Variants in CD5L observed in about 807,000 individuals in gnomAD.
The protein encoded by CD5L is CD5 molecule like.
A neutral mutation model predicts 40.8 loss-of-function variants in CD5L; 39 were observed. That is an observed-to-expected ratio of 0.96 (90% CI 0.74 to 1.25). The LOEUF (loss-of-function observed/expected upper bound fraction) is 1.25, where lower values mean the gene tolerates loss of function less well. CD5L is among the 50% of genes most tolerant of loss of function. CD5L has a pLI of 0.00. For missense variants in CD5L, 433 were observed against 435.9 expected, an observed-to-expected ratio of 0.99 and a Z score of 0.06; for synonymous variants, 192 against 169.6, an observed-to-expected ratio of 1.13 and a Z score of -1.03.
intron 4 of CD5L, among the ~76,000 whole-genome samples, chr1:157,834,147 T>C (rs1335755825): frequency 6.6e-6 from 1 of 152,218 alleles, no homozygotes; most frequent in African/African-American, 2.4e-5. Flanking sequence ...CATAAAAAGA[T>C]GTACCTTGTT....
Position 157,833,193 on chromosome 1 carries a change from T to C in CD5L, c.1038A>G (p.Ser346=). ...ATGAACTCCATCTGTAGGACTCACC[T>C]GAGCAGATGACAGCCACATCTTCCT... ...THQEDVAVIC[S]G Residue 346 remains serine, a splice_region_variant and synonymous_variant, in exon 5 of 6, where the codon TCA becomes TCG. Transcript: ENST00000368174. 1 of 1,610,694 alleles carries C rather than the reference T, an allele frequency of 6.2e-7. No individual in the cohort carries two copies. The highest frequency in any genetic ancestry group is 8.5e-7 in the Non-Finnish European group (1 of 1,177,576).
In CD5L at chr1:157,841,781, C is replaced by A. The variant is rs368154340; in HGVS notation, c.-80G>T. 14 of 1,243,782 alleles carry A rather than the reference C, an allele frequency of 1.1e-5. No individual in the cohort carries two copies. The highest frequency in any genetic ancestry group is 1.6e-5 in the Non-Finnish European group (14 of 856,490). The allele number at this position is 1,243,782 out of a possible 1,614,324, so 77.0% of individuals were successfully genotyped here. ...AAGCAGCAATATTTAGTTTTAGCTGCAAGTATGTTAAGAGGAGGGACAAAG... is the reference window on the plus strand; with the variant it reads ...AAGCAGCAATATTTAGTTTTAGCTGAAAGTATGTTAAGAGGAGGGACAAAG... On this transcript the variant is annotated 5_prime_UTR_variant, in exon 1 of 6. Coordinates refer to ENST00000368174, the MANE Select transcript of CD5L (RefSeq NM_005894.3).
In CD5L at chr1:157,841,792, A is replaced by C; in HGVS notation, c.-91T>G. On this transcript the variant is annotated 5_prime_UTR_variant, in exon 1 of 6. Coordinates refer to ENST00000368174, the MANE Select transcript of CD5L (RefSeq NM_005894.3). ...TTTAGTTTTAGCTGCAAGTATGTTA[A>C]GAGGAGGGACAAAGACAGGTCCTGA... 1 of 1,107,088 alleles carries C rather than the reference A, an allele frequency of 9.0e-7. No homozygotes were observed. The highest frequency in any genetic ancestry group is 1.4e-6 in the Non-Finnish European group (1 of 735,634). 68.6% of individuals were successfully genotyped at this position (1,107,088 alleles called of 1,614,324 possible). A position where few individuals can be genotyped will look rare whatever the true frequency, so the allele number is the denominator to read the frequency against.
At chr1:157,840,779 C>G (rs143324093) in intron 1 of CD5L, among the ~76,000 whole-genome samples, 8 of 152,266 alleles carry the variant, frequency 5.3e-5, no homozygotes, top group African/African-American at 1.9e-4. Flanking sequence ...CTTCATGAAG[C>G]AGGTGGAAGT....
In CD5L at chr1:157,831,971, A is replaced by G. The variant is rs375428623; in HGVS notation, c.1040-3T>C. 3.5e-5 allele frequency: 56 copies of G among 1,588,118 alleles called. No individual in the cohort carries two copies. The highest frequency in any genetic ancestry group is 4.2e-5 in the Non-Finnish European group (49 of 1,168,806). On this transcript the variant is annotated splice_region_variant and splice_polypyrimidine_tract_variant and intron_variant, in intron 5 of 5. Coordinates refer to ENST00000368174, the MANE Select transcript of CD5L (RefSeq NM_005894.3). ...TCAAGCAACACCAGGATACTATCCT[A>G]TAAAGAGAAGAGGAAAATGCAGTAA...
At chr1:157,832,003 G>C in intron 5 of CD5L, 35 bp from the exon 6 acceptor site, 2 of 1,476,286 alleles carry the variant, frequency 1.4e-6, no homozygotes, top group Non-Finnish European at 1.9e-6. Flanking sequence ...GTAAGGATGG[G>C]TATAGTCCAG....
downstream of CD5L, among the ~76,000 whole-genome samples, chr1:157,830,463 C>T (rs1299305593): frequency 6.6e-6 from 1 of 152,174 alleles, no homozygotes; most frequent in Non-Finnish European, 1.5e-5. Context: ...TCCGGACTCC[C>T]AGCCGAGTGG....
chr1:157,830,215 G>T (rs1287587711), downstream of CD5L, among the ~76,000 whole-genome samples: 1 of 152,168 alleles, frequency 6.6e-6, no homozygotes. Flanking sequence ...ATAATGCAGG[G>T]TAAACATGAC....
chr1:157,829,433 C>T (rs760015787), downstream of CD5L, among the ~76,000 whole-genome samples: 4 of 152,350 alleles, frequency 2.6e-5, no homozygotes, highest in Non-Finnish European at 5.9e-5. Context: ...CCCACCTTCA[C>T]TAGACCTTTA....
At chr1:157,836,259 G>A in intron 2 of CD5L, 104 bp from the exon 3 acceptor site, 1 of 888,010 alleles carries the variant, frequency 1.1e-6, no homozygotes, top group Admixed American at 2.7e-5. Context: ...AAATGGTGCA[G>A]AGTGTTGGGG....
chr1:157,838,367 A>C (rs1656276829), intron 2 of CD5L, among the ~76,000 whole-genome samples: 2 of 152,118 alleles, frequency 1.3e-5, no homozygotes, highest in African/African-American at 4.8e-5. Context: ...ATGAACCGTA[A>C]ATAATTTGGG....
chr1:157,840,904 A>G (rs954679779), intron 1 of CD5L, among the ~76,000 whole-genome samples: 1 of 152,198 alleles, frequency 6.6e-6, no homozygotes, highest in Non-Finnish European at 1.5e-5. Flanking sequence ...ATTGAACACA[A>G]AAGTGTCCAG....
In CD5L at chr1:157,830,985, C is replaced by T; in HGVS notation, c.*979G>A. 3.0e-6 allele frequency: 3 copies of T among 985,326 alleles called. No individual in the cohort carries two copies. The highest frequency in any genetic ancestry group is 3.5e-5 in the African/African-American group (2 of 57,326). The allele number at this position is 985,326 out of a possible 1,614,324, so 61.0% of individuals were successfully genotyped here. On this transcript the variant is annotated 3_prime_UTR_variant, in exon 6 of 6. Coordinates refer to ENST00000368174, the MANE Select transcript of CD5L (RefSeq NM_005894.3). Reference sequence around the variant, plus strand: ...TGTAGCCGTATAATAAGTACTCAGCCTAGCCTCAGAATCTAAAGTTGTCAA... The same window carrying T: ...TGTAGCCGTATAATAAGTACTCAGCTTAGCCTCAGAATCTAAAGTTGTCAA...
chr1:157,828,719 A>C (rs566772673), downstream of CD5L, among the ~76,000 whole-genome samples: 64 of 152,326 alleles, frequency 4.2e-4, no homozygotes, highest in African/African-American at 1.3e-3. Context: ...AGTCTCTCAC[A>C]AGTGTTTCCT....
rs536860429 is a variant in CD5L, at chr1:157,838,024, C to A, written c.55+1360G>T. Among the ~76,000 whole-genome samples, 33 of 152,192 alleles carry A rather than the reference C, an allele frequency of 2.2e-4. No individual in the cohort carries two copies. In the East Asian group the frequency reaches 5.4e-3, roughly 25 times the overall value. ...ATCTCCTGACCTCGTGACCTGCCCG[C>A]CTTCGCCTCCCAAAGTGCTGGGATT... On this transcript the variant is annotated intron_variant, in intron 2 of 5. Transcript: ENST00000368174.
downstream of CD5L, among the ~76,000 whole-genome samples, chr1:157,830,410 A>G (rs565656423): frequency 6.6e-6 from 1 of 152,216 alleles, no homozygotes; most frequent in East Asian, 1.9e-4. Context: ...TTAAGAATGA[A>G]TCCTCTAGGA....
intron 1 of CD5L, among the ~76,000 whole-genome samples, chr1:157,840,789 T>C (rs949051493): frequency 2.0e-5 from 3 of 152,126 alleles, no homozygotes; most frequent in African/African-American, 7.2e-5. Flanking sequence ...CAGGTGGAAG[T>C]GCACATGAGC....
rs1407147417 is a variant in CD5L, at chr1:157,834,596, G to T, written c.529C>A (p.Arg177=). The T allele has an allele frequency of 1.2e-6, 2 of 1,614,000 alleles. No homozygotes were observed. The highest frequency in any genetic ancestry group is 2.7e-5 in the African/African-American group (2 of 74,898). The change falls in exon 4 of 6, where the codon CGG becomes AGG. Residue 177 remains arginine (R), a synonymous_variant. Transcript: ENST00000368174. ...ACAGCCCTCCCACATCCCAGCTGCC[G>T]GCACACCACCTTTGCGGCCCGGAGG... ...WSLRAAKVVC[R]QLGCGRAVLT...
chr1:157,833,044 A>G, intron 5 of CD5L, 148 bp downstream of exon 5: 1 of 712,154 alleles, frequency 1.4e-6, no homozygotes, highest in East Asian at 2.5e-5. Flanking sequence ...TTCCAGCCAT[A>G]TCCCTGGAAG....
Sources: allele counts gnomAD v4.1 joint callset (sites outside exome capture counted in the v4.1 genomes callset), GRCh38; gene constraint gnomAD v4.1.1; transcripts MANE v1.5; gene names NCBI Gene and HGNC (gene_info 2026-07-23, HGNC 2026-07-21).